The following ARHGAP26 variants were observed in gnomAD, a reference collection of about 807,000 sequenced individuals.
The protein encoded by ARHGAP26 is rho GTPase-activating protein 26.
ARHGAP26 carries 38 observed loss-of-function variants against 104.8 expected under a neutral mutation model. The ratio of observed to expected loss-of-function variants is 0.36; its 90% CI spans 0.28 to 0.48. ARHGAP26 has a LOEUF of 0.48. Ranked by LOEUF, ARHGAP26 falls within the 20% of genes least tolerant of loss-of-function variation. The pLI is 0.99. For missense variants in ARHGAP26, 704 were observed against 947.9 expected (o/e 0.74, Z 3.38); for synonymous variants, 341 against 340.0 (o/e 1.00, Z -0.03).
At position 142,809,668 on chromosome 5, in the gene ARHGAP26, A is replaced by G. The variant is rs116311421; in HGVS notation, c.154+38753A>G. On this transcript the variant is annotated intron_variant, in intron 1 of 22. Transcript: ENST00000645722. ...TAGCTTTCAAGCAGATAGAGAGAAA[A>G]TAATCTTACAGTCATGCTTTCCCTC... Among the ~76,000 whole-genome samples the G allele has an allele frequency of 9.6e-3, 1,468 of 152,280 alleles. 20 individuals are homozygous for G. The highest frequency in any genetic ancestry group is 0.033 in the African/African-American group (1,384 of 41,536).
chr5:142,826,016 T>C lies in ARHGAP26; in HGVS notation c.155-47384T>C, dbSNP rs148667624. 2.0e-4 allele frequency among the ~76,000 whole-genome samples: 30 copies of C among 152,320 alleles called. 1 individual carries two copies. The East Asian group carries it at 5.8e-3, about 29-fold the overall frequency. On this transcript the variant is annotated intron_variant, in intron 1 of 22. Transcript: ENST00000645722. ...AAGATAGAAGACCTAGATTTTCTTA[T>C]CGATTTGCTGGTTAACCCAGGGAAA...
intron 20 of ARHGAP26, among the ~76,000 whole-genome samples, chr5:143,168,386 G>T (rs1056302328): frequency 7.4e-6 from 1 of 134,958 alleles, no homozygotes; most frequent in East Asian, 2.4e-4. Context: ...TGCCTGAGAC[G>T]TTCCCTATTT....
intron 1 of ARHGAP26, chr5:142,771,193 G>C: frequency 7.8e-7 from 1 of 1,285,326 alleles, no homozygotes; most frequent in Non-Finnish European, 9.8e-7. Flanking sequence ...GGGCGTGGGC[G>C]TGCGCGGCAC....
chr5:143,162,274 A>AACACACACACACAC (rs771590759), intron 20 of ARHGAP26, among the ~76,000 whole-genome samples: 17 of 83,678 alleles, frequency 2.0e-4, no homozygotes, highest in African/African-American at 8.7e-4. Flanking sequence ...TCTACTCCCA[A>AACACACACACACAC]ACACACACAT....
intron 10 of ARHGAP26, among the ~76,000 whole-genome samples, chr5:142,918,885 A>G (rs1372040457): frequency 6.6e-6 from 1 of 152,182 alleles, no homozygotes; most frequent in Non-Finnish European, 1.5e-5. Flanking sequence ...CAATATAATG[A>G]TTCTTTGAAG....
chr5:143,128,204 A>G (rs926499090), intron 18 of ARHGAP26, among the ~76,000 whole-genome samples: 6 of 152,184 alleles, frequency 3.9e-5, no homozygotes, highest in Non-Finnish European at 7.3e-5. Flanking sequence ...ATTCCCCCCA[A>G]TAAATCCCAG....
chr5:143,021,129 A>G (rs1377773370), intron 12 of ARHGAP26, among the ~76,000 whole-genome samples: 2 of 152,250 alleles, frequency 1.3e-5, no homozygotes, highest in Non-Finnish European at 2.9e-5. Context: ...GTCAAAAATC[A>G]TTGGTAATAT....
intron 11 of ARHGAP26, among the ~76,000 whole-genome samples, chr5:143,008,755 T>C (rs576367931): frequency 3.9e-5 from 6 of 152,388 alleles, no homozygotes; most frequent in East Asian, 1.9e-4. Context: ...GCTTTACTTA[T>C]GTCTTTAATA....
intron 11 of ARHGAP26, among the ~76,000 whole-genome samples, chr5:142,950,022 C>T (rs1768064188): frequency 6.6e-6 from 1 of 152,216 alleles, no homozygotes; most frequent in Non-Finnish European, 1.5e-5. Flanking sequence ...CCTGGGCCCA[C>T]TTGTGAGCTG....
chr5:142,985,202 A>G (rs1774503690), intron 11 of ARHGAP26, among the ~76,000 whole-genome samples: 2 of 152,212 alleles, frequency 1.3e-5, no homozygotes, highest in African/African-American at 4.8e-5. Context: ...AGGAAAAAAT[A>G]CTTTTGTACA....
intron 19 of ARHGAP26, among the ~76,000 whole-genome samples, chr5:143,143,010 A>G (rs1451952991): frequency 1.3e-5 from 2 of 151,938 alleles, no homozygotes; most frequent in Non-Finnish European, 2.9e-5. Flanking sequence ...TTGTTTGATC[A>G]TGTGGAGAGT....
intron 22 of ARHGAP26, among the ~76,000 whole-genome samples, chr5:143,218,115 C>A (rs939752682): frequency 6.6e-6 from 1 of 152,176 alleles, no homozygotes; most frequent in Non-Finnish European, 1.5e-5. Flanking sequence ...GACACTCATG[C>A]CTTTGTGTCT....
At chr5:142,868,272 C>T (rs150928136) in intron 1 of ARHGAP26, among the ~76,000 whole-genome samples, 159 of 152,174 alleles carry the variant, frequency 1.0e-3, no homozygotes, top group Non-Finnish European at 1.9e-3. Context: ...GGGCATGCCC[C>T]GGGAACTGGC....
chr5:143,114,326 C>A (rs747980415), intron 17 of ARHGAP26, among the ~76,000 whole-genome samples: 6 of 152,254 alleles, frequency 3.9e-5, no homozygotes, highest in African/African-American at 1.4e-4. Context: ...GCCTCCTCAG[C>A]GCTGTTTGGA....
intron 2 of ARHGAP26, among the ~76,000 whole-genome samples, chr5:142,874,734 A>G (rs1755835847): frequency 2.6e-5 from 4 of 152,116 alleles, no homozygotes; most frequent in Admixed American, 2.6e-4. Context: ...GTTCTGACGC[A>G]ACGCCATGAC....
At chr5:143,013,642 A>G (rs1779187835) in intron 11 of ARHGAP26, among the ~76,000 whole-genome samples, 1 of 152,226 alleles carries the variant, frequency 6.6e-6, no homozygotes, top group South Asian at 2.1e-4. Flanking sequence ...TAGGCTTCAT[A>G]TTCTCCATCT....
intron 18 of ARHGAP26, among the ~76,000 whole-genome samples, chr5:143,128,412 T>C (rs1470741952): frequency 6.6e-6 from 1 of 152,206 alleles, no homozygotes; most frequent in African/African-American, 2.4e-5. Context: ...CTAATGTAAT[T>C]GGTTCCTTTT....
In ARHGAP26 at chr5:143,008,412, A is replaced by AC. The variant is rs1778279360; in HGVS notation, c.1108-5668_1108-5667insC. ...GTGGACCCACTTTGTCATGCAGAGGAGATGAGATGATATTCGATGGTGTAG... is the reference window on the plus strand; with the variant it reads ...GTGGACCCACTTTGTCATGCAGAGGACGATGAGATGATATTCGATGGTGTAG... On this transcript the variant is annotated intron_variant, in intron 11 of 22. Transcript: ENST00000645722. Among the ~76,000 whole-genome samples the AC allele has an allele frequency of 3.3e-5, 5 of 152,308 alleles. No individual in the cohort carries two copies. The South Asian group carries it at 8.3e-4, about 25-fold the overall frequency.
At chr5:143,040,416 G>A (rs1783283080) in intron 13 of ARHGAP26, among the ~76,000 whole-genome samples, 1 of 149,626 alleles carries the variant, frequency 6.7e-6, no homozygotes, top group Non-Finnish European at 1.5e-5. Flanking sequence ...TTGTGTTTTG[G>A]CCCCCAAGTA....
Sources: gnomAD v4.1 joint callset for allele counts (sites outside exome capture counted in the v4.1 genomes callset) on GRCh38, gnomAD v4.1.1 for gene constraint, MANE v1.5 for transcripts, NCBI Gene and HGNC (gene_info 2026-07-23, HGNC 2026-07-21) for gene names.